NFE2L3: variants seen among roughly 807,000 people sequenced by gnomAD.
NFE2L3 encodes the protein NFE2 like bZIP transcription factor 3, also known as nuclear factor erythroid 2-related factor 3.
Under a neutral mutation model 23.5 loss-of-function variants are expected in NFE2L3, and 18 were observed. That is an observed-to-expected ratio of 0.77 (90% CI 0.53 to 1.13). The LOEUF (loss-of-function observed/expected upper bound fraction) is 1.13. Among genes scored for constraint, NFE2L3 ranks in the 50% most tolerant of loss-of-function variants. The probability of loss-of-function intolerance (pLI) is 0.00; values close to 1 mark genes in which losing one functional copy is unlikely to be tolerated. For synonymous variants in NFE2L3, 424 were observed against 354.5 expected (o/e 1.20, Z -2.20); for missense variants, 1,152 against 877.2 (o/e 1.31, Z -3.96).
rs774570341 is a variant in NFE2L3 at position 26,153,116 on chromosome 7, G to T, written c.570+48G>T. ...GCGAAGTGCGGCGTCTACGCCGCCG[G>T]GAGCCCCCGAGGCTTGTGTCGGATC... On this transcript the variant is annotated intron_variant, in intron 1 of 3. Coordinates refer to ENST00000056233, the MANE Select transcript of NFE2L3 (RefSeq NM_004289.7). 4 of 1,483,368 alleles carry T rather than the reference G, an allele frequency of 2.7e-6. No individual in the cohort carries two copies. The African/African-American group carries it at 5.8e-5, about 21-fold the overall frequency. The allele number at this position is 1,483,368 out of a possible 1,614,324, so 91.9% of individuals were successfully genotyped here.
intron 1 of NFE2L3, among the ~76,000 whole-genome samples, chr7:26,155,688 C>T (rs1437537786): frequency 6.6e-6 from 1 of 152,120 alleles, no homozygotes; most frequent in African/African-American, 2.4e-5. Context: ...TAGATTGTGC[C>T]ATTCATAATG....
chr7:26,168,457 A>C (rs1490003845), intron 1 of NFE2L3, among the ~76,000 whole-genome samples: 2 of 41,508 alleles, frequency 4.8e-5, no homozygotes, highest in East Asian at 3.0e-3. Flanking sequence ...GTTGCTGTGA[A>C]TGCCATTAAT....
intron 1 of NFE2L3, among the ~76,000 whole-genome samples, chr7:26,177,592 C>A (rs1247730600): frequency 6.6e-6 from 1 of 151,956 alleles, no homozygotes; most frequent in African/African-American, 2.4e-5. Flanking sequence ...GGGAGACCGT[C>A]GAAAGGAGGG....
At chr7:26,173,393 T>C in intron 1 of NFE2L3, 1 of 152,336 alleles carries the variant, frequency 6.6e-6, no homozygotes, top group East Asian at 1.9e-4. Flanking sequence ...CATGTTTGTG[T>C]GTGTCCATGT....
Position 26,185,205 on chromosome 7 carries a change from C to G in NFE2L3, c.1507C>G (p.Gln503Glu), listed in dbSNP as rs192882381. ...HVFHNHTYHL[Q>E]PTAPESTSEP... is the part of the protein sequence containing the mutation. ...ATTTCATAACCACACTTACCACTTACAGCCAACTGCACCAGAATCTACTTC... is the reference window on the plus strand; with the variant it reads ...ATTTCATAACCACACTTACCACTTAGAGCCAACTGCACCAGAATCTACTTC... The change falls in exon 4 of 4, where the codon CAG becomes GAG. Residue 503 changes from glutamine (Q) to glutamate (E), a missense_variant. Coordinates refer to ENST00000056233, the MANE Select transcript of NFE2L3 (RefSeq NM_004289.7). The G allele has an allele frequency of 1.4e-5, 22 of 1,613,914 alleles. No homozygotes were observed. In the Admixed American group the frequency reaches 1.5e-4, roughly 11 times the overall value.
rs955755047 is a variant in NFE2L3 at position 26,177,995 on chromosome 7, A to T, written c.623A>T (p.His208Leu). 6.2e-7 allele frequency: 1 copy of T among 1,614,180 alleles called. No homozygotes were observed. Among genetic ancestry groups the T allele is most frequent in the South Asian group, 1.1e-5 (1 of 91,080 alleles). The stretch of plus-strand genomic sequence containing the variant: ...GAAGCTGTGGATCATAGTTCCCAGC[A>T]TGAGGAAAATGAAGAAAGGGTGTCA... ...KHEAVDHSSQ[H>L]EENEERVSAQ... Residue 208 changes from histidine (H) to leucine (L), a missense_variant, in exon 2 of 4, where the codon CAT (histidine) becomes CTT (leucine). Physicochemically the swap from His to Leu is moderately conservative, Grantham distance 99 (BLOSUM62 -3). Coordinates refer to ENST00000056233, the MANE Select transcript of NFE2L3 (RefSeq NM_004289.7).
At chr7:26,175,745 C>G (rs1784392284) in intron 1 of NFE2L3, among the ~76,000 whole-genome samples, 1 of 149,102 alleles carries the variant, frequency 6.7e-6, no homozygotes, top group Non-Finnish European at 1.5e-5. Context: ...TGCCACTGCA[C>G]TCCAGCCTGG....
chr7:26,173,874 CAAAT>C (rs1200056922), intron 1 of NFE2L3: 4 of 152,008 alleles, frequency 2.6e-5, no homozygotes, highest in Non-Finnish European at 5.9e-5. Context: ...AAACAGCAAA[CAAAT>C]AAACATGGTA....
chr7:26,186,110 C>A lies in NFE2L3; in HGVS notation c.*327C>A. The A allele has an allele frequency of 5.0e-6, 1 of 199,564 alleles. No homozygotes were observed. The highest frequency in any genetic ancestry group is 1.0e-5 in the Non-Finnish European group (1 of 99,580). 12.4% of individuals were successfully genotyped at this position (199,564 alleles called of 1,614,324 possible). On this transcript the variant is annotated 3_prime_UTR_variant, in exon 4 of 4. Coordinates refer to ENST00000056233, the MANE Select transcript of NFE2L3 (RefSeq NM_004289.7). ...CTTTTTAAGAGTAAGTTGGTTACTT[C>A]AAAAAGAGCAAACACTGGGGATCAA...
intron 1 of NFE2L3, among the ~76,000 whole-genome samples, chr7:26,155,352 G>C (rs1208419310): frequency 6.6e-6 from 1 of 152,166 alleles, no homozygotes; most frequent in Admixed American, 6.5e-5. Context: ...TGAGGCACGA[G>C]AATCACTTGA....
intron 1 of NFE2L3, among the ~76,000 whole-genome samples, chr7:26,166,137 G>A (rs1344860227): frequency 2.9e-5 from 1 of 35,072 alleles, no homozygotes; most frequent in Admixed American, 2.4e-4. Context: ...CGGGTGGGGC[G>A]GGGGGGAAAG....
At chr7:26,183,227 A>G (rs1197740148) in intron 2 of NFE2L3, among the ~76,000 whole-genome samples, 6 of 152,010 alleles carry the variant, frequency 3.9e-5, no homozygotes, top group South Asian at 2.1e-4. Flanking sequence ...ACTTTTAAGT[A>G]TGCATGTTGA....
At position 26,185,244 on chromosome 7, in the gene NFE2L3, T is replaced by C; in HGVS notation, c.1546T>C (p.Trp516Arg). The change falls in exon 4 of 4, where the codon TGG becomes CGG. Residue 516 changes from tryptophan to arginine, a missense_variant. Transcript: ENST00000056233. Reference protein sequence around the residue: ...APESTSEPFPWPGKSQKIRSR... With the variant: ...APESTSEPFPRPGKSQKIRSR... The stretch of plus-strand genomic sequence containing the variant: ...AGAATCTACTTCTGAACCTTTTCCG[T>C]GGCCTGGGAAGTCACAGAAGATAAG... 6.2e-7 allele frequency: 1 copy of C among 1,614,052 alleles called. No homozygotes were observed. Among genetic ancestry groups the C allele is most frequent in the Non-Finnish European group, 8.5e-7 (1 of 1,179,948 alleles).
At chr7:26,159,382 C>T (rs2128097498) in intron 1 of NFE2L3, among the ~76,000 whole-genome samples, 1 of 152,302 alleles carries the variant, frequency 6.6e-6, no homozygotes. Flanking sequence ...CTGTTCTTCC[C>T]TTTGAGCCCT....
intron 1 of NFE2L3, among the ~76,000 whole-genome samples, chr7:26,176,182 G>A (rs1332791849): frequency 1.3e-5 from 2 of 152,144 alleles, no homozygotes; most frequent in Admixed American, 6.5e-5. Flanking sequence ...TGGGAGTAAG[G>A]TTATAGATTA....
At chr7:26,154,667 C>A (rs1020062226) in intron 1 of NFE2L3, among the ~76,000 whole-genome samples, 2 of 152,218 alleles carry the variant, frequency 1.3e-5, no homozygotes, top group Admixed American at 6.5e-5. Flanking sequence ...CCTTCCACTT[C>A]AGTCTCCCAG....
At chr7:26,165,708 G>A (rs200353957) in intron 1 of NFE2L3, among the ~76,000 whole-genome samples, 10,381 of 152,066 alleles carry the variant, frequency 0.068, 787 homozygotes, top group East Asian at 0.35. Context: ...GTGAGAGAGG[G>A]CATCCCTGTC....
intron 1 of NFE2L3, among the ~76,000 whole-genome samples, chr7:26,155,567 T>C (rs1028877436): frequency 6.8e-6 from 1 of 147,136 alleles, no homozygotes; most frequent in Non-Finnish European, 1.5e-5. Context: ...ACTGGCACAT[T>C]AATTAAGTAC....
Position 26,186,151 on chromosome 7 carries a change from ATT to A in NFE2L3, c.*370_*371del, listed in dbSNP as rs1471517388. ...TGGGGATCAAATTATTTTAAGAGGT[ATT>A]TCAGTTTTAAATGCAAAATAGCCTT... On this transcript the variant is annotated 3_prime_UTR_variant, in exon 4 of 4. Coordinates refer to ENST00000056233, the MANE Select transcript of NFE2L3 (RefSeq NM_004289.7). The A allele has an allele frequency of 5.9e-6, 1 of 169,212 alleles. No homozygotes were observed. The highest frequency in any genetic ancestry group is 1.3e-5 in the Non-Finnish European group (1 of 79,692). 10.5% of individuals were successfully genotyped at this position (169,212 alleles called of 1,614,324 possible). A position where few individuals can be genotyped will look rare whatever the true frequency, so the allele number is the denominator to read the frequency against.
Sources: gnomAD v4.1 joint callset for allele counts (sites outside exome capture counted in the v4.1 genomes callset) on GRCh38, gnomAD v4.1.1 for gene constraint, MANE v1.5 for transcripts, NCBI Gene and HGNC (gene_info 2026-07-23, HGNC 2026-07-21) for gene names.